Variants in LRRC36 observed in about 807,000 individuals in gnomAD.
The protein encoded by LRRC36 is leucine-rich repeat-containing protein 36.
A neutral mutation model predicts 81.1 loss-of-function variants in LRRC36; 62 were observed. The ratio of observed to expected loss-of-function variants is 0.76; its 90% CI spans 0.62 to 0.94. LRRC36 has a LOEUF of 0.94. Ranked by LOEUF, LRRC36 falls within the 40% of genes least tolerant of loss-of-function variation. LRRC36 has a pLI of 0.00. For missense variants in LRRC36, 761 were observed against 881.7 expected, an observed-to-expected ratio of 0.86 and a Z score of 1.73; for synonymous variants, 334 against 348.6, an observed-to-expected ratio of 0.96 and a Z score of 0.47.
At position 67,376,858 on chromosome 16, in the gene LRRC36, G is replaced by C; in HGVS notation, c.1792G>C (p.Val598Leu). ...ELELKEAAQL[V>L]PNDMESLKQK... ...TGAACTGAAGGAGGCTGCGCAGCTGGTCCCTAATGACATGGTATGCCCCTC... is the reference window on the plus strand; with the variant it reads ...TGAACTGAAGGAGGCTGCGCAGCTGCTCCCTAATGACATGGTATGCCCCTC... Residue 598 changes from valine to leucine, a missense_variant, in exon 11 of 14, where the codon GTC (valine) becomes CTC (leucine). Around this residue, in one of 3 missense-constraint regions of LRRC36, gnomAD observed 359 missense variants for 388.4 expected, o/e 0.92. Coordinates refer to ENST00000329956, the MANE Select transcript of LRRC36 (RefSeq NM_018296.6). 1 of 1,612,466 alleles carries C rather than the reference G, an allele frequency of 6.2e-7. No individual in the cohort carries two copies. Among genetic ancestry groups the C allele is most frequent in the Non-Finnish European group, 8.5e-7 (1 of 1,178,752 alleles).
chr16:67,369,057 G>A (rs1190703857), intron 8 of LRRC36, among the ~76,000 whole-genome samples: 4 of 152,152 alleles, frequency 2.6e-5, no homozygotes, highest in East Asian at 3.8e-4. Context: ...TTCCAGAGAT[G>A]CCAATTTGGT....
intron 2 of LRRC36, among the ~76,000 whole-genome samples, chr16:67,344,558 C>T (rs114089132): frequency 0.027 from 4,062 of 152,222 alleles, 88 homozygotes; most frequent in South Asian, 0.063. Flanking sequence ...CATGCCACTA[C>T]ACTCCAGCCT....
intron 8 of LRRC36, among the ~76,000 whole-genome samples, chr16:67,368,645 T>C (rs2039505757): frequency 6.6e-6 from 1 of 152,230 alleles, no homozygotes; most frequent in Non-Finnish European, 1.5e-5. Context: ...GGAGAGTTTG[T>C]AGCAAGGGAG....
chr16:67,346,882 T>G (rs1036655494), intron 3 of LRRC36, among the ~76,000 whole-genome samples: 6 of 152,098 alleles, frequency 3.9e-5, no homozygotes, highest in Admixed American at 3.9e-4. Context: ...TTTTATTTAT[T>G]TATTTATTTT....
intron 6 of LRRC36, among the ~76,000 whole-genome samples, chr16:67,364,416 CAGG>C (rs1374099265): frequency 6.6e-6 from 1 of 152,050 alleles, no homozygotes; most frequent in African/African-American, 2.4e-5. Flanking sequence ...AGAAAATAGC[CAGG>C]AGGAGAAAGA....
chr16:67,384,816 G>A (rs2040235427), intron 13 of LRRC36, 54 bp from the exon 14 acceptor site: 2 of 1,417,968 alleles, frequency 1.4e-6, no homozygotes, highest in East Asian at 2.3e-5. Context: ...GGGTCTGCAT[G>A]GTATCTCTCT....
intron 9 of LRRC36, 96 bp from the exon 10 acceptor site, chr16:67,375,151 G>T: frequency 7.6e-7 from 1 of 1,318,752 alleles, no homozygotes; most frequent in Non-Finnish European, 1.1e-6. Context: ...AAAAAAAAAA[G>T]TCTCAATGTC....
chr16:67,373,179 C>G (rs958286742), intron 9 of LRRC36, among the ~76,000 whole-genome samples: 1 of 151,668 alleles, frequency 6.6e-6, no homozygotes, highest in African/African-American at 2.4e-5. Flanking sequence ...ATAGGAGACC[C>G]TCTCTCTACA....
intron 5 of LRRC36, among the ~76,000 whole-genome samples, chr16:67,360,326 G>A (rs940059996): frequency 7.2e-4 from 109 of 152,228 alleles, no homozygotes; most frequent in African/African-American, 2.6e-3. Context: ...CAGGCGGTAG[G>A]GGATTTGAAC....
intron 1 of LRRC36, among the ~76,000 whole-genome samples, chr16:67,328,097 G>A (rs1245988214): frequency 6.6e-6 from 1 of 152,092 alleles, no homozygotes; most frequent in Non-Finnish European, 1.5e-5. Context: ...AGAACAGGAA[G>A]GATATACTAG....
chr16:67,328,732 C>T (rs180986735), intron 1 of LRRC36, among the ~76,000 whole-genome samples: 4 of 151,986 alleles, frequency 2.6e-5, no homozygotes, highest in Admixed American at 2.0e-4. Context: ...GTAGAGATAA[C>T]AGAATAATGA....
chr16:67,350,622 G>A (rs2038584064), intron 5 of LRRC36, among the ~76,000 whole-genome samples: 1 of 152,184 alleles, frequency 6.6e-6, no homozygotes, highest in African/African-American at 2.4e-5. Context: ...CTCACACCCT[G>A]GGCTTCCTGG....
chr16:67,362,485 C>G (rs1298260483), intron 5 of LRRC36, among the ~76,000 whole-genome samples: 2 of 151,856 alleles, frequency 1.3e-5, no homozygotes, highest in Non-Finnish European at 2.9e-5. Context: ...ATATACAGAG[C>G]CTAAAGTACT....
At chr16:67,379,467 A>G (rs1326211175) in intron 12 of LRRC36, among the ~76,000 whole-genome samples, 1 of 152,196 alleles carries the variant, frequency 6.6e-6, no homozygotes, top group Non-Finnish European at 1.5e-5. Context: ...CTGTAATCCC[A>G]GCACTTTGGG....
chr16:67,381,334 A>G (rs564954861), intron 12 of LRRC36, among the ~76,000 whole-genome samples: 3 of 151,850 alleles, frequency 2.0e-5, no homozygotes, highest in East Asian at 1.9e-4. Context: ...TAATGGTAGT[A>G]TATTGGGGAA....
intron 5 of LRRC36, among the ~76,000 whole-genome samples, chr16:67,354,202 C>G (rs545511049): frequency 9.2e-5 from 14 of 152,146 alleles, no homozygotes; most frequent in African/African-American, 3.1e-4. Context: ...CTAATGCTGT[C>G]CCCCTGCTTG....
chr16:67,349,374 A>T (rs2038508716), intron 4 of LRRC36, among the ~76,000 whole-genome samples: 1 of 151,962 alleles, frequency 6.6e-6, no homozygotes, highest in Admixed American at 6.6e-5. Flanking sequence ...AATGACCAGT[A>T]GGGGGCCTTT....
In LRRC36 at chr16:67,383,156, C is replaced by T. The variant is rs529431434; in HGVS notation, c.2045+909C>T. Among the ~76,000 whole-genome samples, 4 of 148,162 alleles carry T rather than the reference C, an allele frequency of 2.7e-5. No homozygotes were observed. The East Asian group carries it at 8.2e-4, about 30-fold the overall frequency. ...AGAAGAGACTTCAAGACTATGGCTACATTTAGAGAAGCCCTTGAGATTTTG... is the reference window on the plus strand; with the variant it reads ...AGAAGAGACTTCAAGACTATGGCTATATTTAGAGAAGCCCTTGAGATTTTG... On this transcript the variant is annotated intron_variant, in intron 13 of 13. Transcript: ENST00000329956.
At chr16:67,347,282 T>C (rs2038395207) in intron 3 of LRRC36, 7 of 731,014 alleles carry the variant, frequency 9.6e-6, no homozygotes, top group Admixed American at 3.4e-5. Flanking sequence ...TAGTTACAAC[T>C]GTGAGGCAGT....
Sources: allele counts gnomAD v4.1 joint callset (sites outside exome capture counted in the v4.1 genomes callset), GRCh38; gene constraint gnomAD v4.1.1; regional missense constraint gnomAD v4.1.1; transcripts MANE v1.5; gene names NCBI Gene and HGNC (gene_info 2026-07-23, HGNC 2026-07-21).